The following NEBL variants were observed in gnomAD, a reference collection of about 807,000 sequenced individuals.
NEBL encodes LIM and SH3 protein 2.
In NEBL, 122 loss-of-function variants were observed where a neutral mutation model predicts 140.2. The observed-to-expected ratio is 0.87, with a 90% CI of 0.75 to 1.01. The LOEUF (loss-of-function observed/expected upper bound fraction) is 1.01, where lower values mean the gene tolerates loss of function less well. Ranked by LOEUF, NEBL falls within the 50% of genes least tolerant of loss-of-function variation. The probability of loss-of-function intolerance (pLI) is 0.00; values close to 1 mark genes in which losing one functional copy is unlikely to be tolerated. For missense variants in NEBL, 1,365 were observed against 1,231.3 expected (o/e 1.11, Z -1.62); for synonymous variants, 436 against 398.9 (o/e 1.09, Z -1.11).
rs10541564 is a variant in NEBL at position 21,096,488 on chromosome 10, AGTGTGTGTGTGTGT to A, written c.164+75881_164+75894del. ...CGGGCTTTAGAGCAACTTGGTTTTGAGTGTGTGTGTGTGTGTGTGTGTGTGTGTGTGTGTGTGTG... is the reference window on the plus strand; with the variant it reads ...CGGGCTTTAGAGCAACTTGGTTTTGAGTGTGTGTGTGTGTGTGTGTGTGTG... On this transcript the variant is annotated intron_variant, in intron 2 of 6. Coordinates refer to the NEBL transcript ENST00000417816. 9.4e-3 allele frequency among the ~76,000 whole-genome samples: 1,325 copies of A among 141,578 alleles called. 13 individuals carry two copies. The highest frequency in any genetic ancestry group is 0.017 in the Non-Finnish European group (1,091 of 63,490). 92.9% of individuals were successfully genotyped at this position (141,578 alleles called of 152,430 possible). A position where few individuals can be genotyped will look rare whatever the true frequency, so the allele number is the denominator to read the frequency against.
At chr10:21,036,227 G>A (rs528136878) in intron 2 of NEBL, among the ~76,000 whole-genome samples, 37 of 152,206 alleles carry the variant, frequency 2.4e-4, no homozygotes, top group African/African-American at 6.0e-4. Context: ...TTGGGAGGCC[G>A]AGGCAGGAGG....
At chr10:21,247,370 T>G (rs1254472573) in intron 3 of NEBL, among the ~76,000 whole-genome samples, 1 of 152,210 alleles carries the variant, frequency 6.6e-6, no homozygotes, top group Non-Finnish European at 1.5e-5. Flanking sequence ...ATTTACTGTA[T>G]GATTATTTTC....
chr10:21,227,725 T>TCTTTCTTCTTCTTCTC (rs1842183636), intron 3 of NEBL, among the ~76,000 whole-genome samples: 1 of 122,100 alleles, frequency 8.2e-6, no homozygotes, highest in South Asian at 2.6e-4. Context: ...TTCTTCTTCT[T>TCTTTCTTCTTCTTCTC]CTTCTTCTTC....
At chr10:21,109,753 T>C (rs558468157) in intron 2 of NEBL, among the ~76,000 whole-genome samples, 1 of 152,204 alleles carries the variant, frequency 6.6e-6, no homozygotes, top group Non-Finnish European at 1.5e-5. Flanking sequence ...CAGGAATTCA[T>C]CCATTTCTTG....
At chr10:20,916,500 A>G (rs1318763823) in intron 4 of NEBL, among the ~76,000 whole-genome samples, 1 of 152,154 alleles carries the variant, frequency 6.6e-6, no homozygotes, top group Non-Finnish European at 1.5e-5. Flanking sequence ...TTCACCTCCC[A>G]GGCTCAAGAG....
chr10:20,958,824 A>C (rs879336434), intron 4 of NEBL, among the ~76,000 whole-genome samples: 1 of 152,192 alleles, frequency 6.6e-6, no homozygotes, highest in Non-Finnish European at 1.5e-5. Flanking sequence ...TACCCAGAAA[A>C]GGCAAGTTCA....
chr10:21,182,842 T>G (rs1841407819), intron 3 of NEBL, among the ~76,000 whole-genome samples: 1 of 152,228 alleles, frequency 6.6e-6, no homozygotes, highest in African/African-American at 2.4e-5. Context: ...GTGATCAGTA[T>G]TTTAAAAGTT....
chr10:20,792,123 G>GAAAAAAA (rs11286684), intron 26 of NEBL, among the ~76,000 whole-genome samples: 2 of 106,762 alleles, frequency 1.9e-5, no homozygotes, highest in African/African-American at 3.1e-5. Flanking sequence ...ATTCCAAATA[G>GAAAAAAA]AAAAAAAAAA....
chr10:21,120,936 C>T (rs1003173782), intron 2 of NEBL, among the ~76,000 whole-genome samples: 1 of 152,056 alleles, frequency 6.6e-6, no homozygotes, highest in Non-Finnish European at 1.5e-5. Context: ...TTCTTTGTCC[C>T]AAGATGATGA....
intron 3 of NEBL, among the ~76,000 whole-genome samples, chr10:21,208,201 C>G (rs2132233045): frequency 6.6e-6 from 1 of 152,288 alleles, no homozygotes; most frequent in East Asian, 1.9e-4. Context: ...ATGAAATCAT[C>G]AGGACATAGA....
intron 1 of NEBL, among the ~76,000 whole-genome samples, chr10:21,278,113 A>T (rs1171394130): frequency 1.3e-5 from 2 of 152,192 alleles, no homozygotes; most frequent in African/African-American, 4.8e-5. Context: ...TGGTTGACTG[A>T]ACCAGAATAT....
rs192665426 is a variant in NEBL at position 21,116,721 on chromosome 10, G to A, written c.164+55662C>T. Among the ~76,000 whole-genome samples, 4 of 152,206 alleles carry A rather than the reference G, an allele frequency of 2.6e-5. No individual in the cohort carries two copies. In the East Asian group the frequency reaches 7.7e-4, roughly 29 times the overall value. On this transcript the variant is annotated intron_variant, in intron 2 of 6. Transcript: ENST00000417816. ...AGGTCTTGCTGTCACTCAGGCTGGA[G>A]TGAAGTGGCACAATCATAGCTCAAT...
chr10:21,047,297 A>C (rs972302426), intron 2 of NEBL, among the ~76,000 whole-genome samples: 2 of 152,214 alleles, frequency 1.3e-5, no homozygotes, highest in Non-Finnish European at 2.9e-5. Context: ...CTTTGTCAAA[A>C]TGTCTGCCAA....
chr10:21,131,337 T>C (rs1346126967), intron 2 of NEBL, among the ~76,000 whole-genome samples: 1 of 152,198 alleles, frequency 6.6e-6, no homozygotes, highest in Non-Finnish European at 1.5e-5. Flanking sequence ...ACCAATTCTC[T>C]ACAATCTCTT....
chr10:20,949,033 T>A (rs1392583586), intron 4 of NEBL, among the ~76,000 whole-genome samples: 2 of 152,228 alleles, frequency 1.3e-5, no homozygotes, highest in Non-Finnish European at 2.9e-5. Context: ...TGCATGTATG[T>A]TTTTAAAAGG....
chr10:21,262,732 G>C (rs958162102), intron 1 of NEBL, among the ~76,000 whole-genome samples: 2 of 152,186 alleles, frequency 1.3e-5, no homozygotes, highest in African/African-American at 2.4e-5. Context: ...CCAAGGCTGG[G>C]GCTGGGGATG....
intron 4 of NEBL, among the ~76,000 whole-genome samples, chr10:20,927,411 T>G (rs779225604): frequency 2.0e-5 from 3 of 152,238 alleles, no homozygotes; most frequent in African/African-American, 4.8e-5. Flanking sequence ...CTTGTAGATC[T>G]ACTCCACAGA....
intron 3 of NEBL, among the ~76,000 whole-genome samples, chr10:21,192,990 A>T (rs372608928): frequency 9.8e-5 from 15 of 152,306 alleles, no homozygotes; most frequent in East Asian, 5.8e-4. Flanking sequence ...CCAGAGGTGG[A>T]AAATCTCCAG....
At chr10:21,146,679 G>T in intron 2 of NEBL, 1 of 529,474 alleles carries the variant, frequency 1.9e-6, no homozygotes, top group Non-Finnish European at 3.3e-6. Context: ...TCTGTAGAAT[G>T]AAATTCACTG....
Sources: allele counts gnomAD v4.1 joint callset (sites outside exome capture counted in the v4.1 genomes callset), GRCh38; gene constraint gnomAD v4.1.1; transcripts MANE v1.5; gene names NCBI Gene and HGNC (gene_info 2026-07-23, HGNC 2026-07-21).